SUGP2: variants seen among roughly 807,000 people sequenced by gnomAD.
SUGP2 encodes SURP and G-patch domain containing 2.
A neutral mutation model predicts 90.5 loss-of-function variants in SUGP2; 24 were observed. The ratio of observed to expected loss-of-function variants is 0.27; its 90% CI spans 0.19 to 0.37. The LOEUF is 0.37. SUGP2 is among the 10% of genes least tolerant of loss of function. The pLI is 1.00. For missense variants in SUGP2, 1,233 were observed against 1,363.3 expected (o/e 0.90, Z 1.51); for synonymous variants, 473 against 513.4 (o/e 0.92, Z 1.06).
intron 8 of SUGP2, among the ~76,000 whole-genome samples, 184 bp downstream of exon 8, chr19:19,001,429 T>C (rs933579521): frequency 1.3e-5 from 2 of 152,240 alleles, no homozygotes; most frequent in African/African-American, 2.4e-5. Context: ...AGTCTATGCT[T>C]TGGACAAAGG....
chr19:19,006,388 C>T (rs940086286), intron 6 of SUGP2, among the ~76,000 whole-genome samples: 1 of 152,068 alleles, frequency 6.6e-6, no homozygotes, highest in Admixed American at 6.6e-5. Flanking sequence ...TGGATAGCGT[C>T]CAACACCTTG....
At position 18,991,504 on chromosome 19, in the gene SUGP2, AGGTGGGGGGCGGTCAGT is replaced by A. The variant is rs2057359511; in HGVS notation, c.*2220_*2236del. The A allele has an allele frequency of 6.6e-6, 1 of 152,268 alleles. No individual in the cohort carries two copies. The highest frequency in any genetic ancestry group is 1.9e-4 in the East Asian group (1 of 5,190). The allele number at this position is 152,268 out of a possible 1,614,324, so 9.4% of individuals were successfully genotyped here. ...AGCTCAAACTTGGAGGAGCGGCAGG[AGGTGGGGGGCGGTCAGT>A]GGCCACACGCCACAGATTCCTAAAG... On this transcript the variant is annotated 3_prime_UTR_variant, in exon 11 of 11. Transcript: ENST00000452918.
Position 18,993,652 on chromosome 19 carries a change from G to GC in SUGP2, c.*88dup, listed in dbSNP as rs1305702479. On this transcript the variant is annotated 3_prime_UTR_variant, in exon 11 of 11. Coordinates refer to ENST00000452918, the MANE Select transcript of SUGP2 (RefSeq NM_001017392.5). The stretch of plus-strand genomic sequence containing the variant: ...CATGTACACACCAAACCGTACTTGG[G>GC]CACTGGCTCCAGGCCGATCCAGGGC... 1 of 152,648 alleles carries GC rather than the reference G, an allele frequency of 6.6e-6. No homozygotes were observed. Among genetic ancestry groups the GC allele is most frequent in the Non-Finnish European group, 1.5e-5 (1 of 68,060 alleles). The allele number at this position is 152,648 out of a possible 1,614,324, so 9.5% of individuals were successfully genotyped here.
At chr19:19,021,497 C>A (rs941735824) in intron 3 of SUGP2, among the ~76,000 whole-genome samples, 3 of 152,016 alleles carry the variant, frequency 2.0e-5, no homozygotes, top group African/African-American at 4.8e-5. Context: ...AATTTAGGGA[C>A]CCCTGCAAAT....
chr19:19,015,624 C>T (rs918024853), intron 4 of SUGP2, among the ~76,000 whole-genome samples: 1 of 152,144 alleles, frequency 6.6e-6, no homozygotes, highest in South Asian at 2.1e-4. Context: ...GTGCCTCGGT[C>T]TCCCAAGTAG....
At chr19:18,998,910 G>A (rs2057720660) in intron 8 of SUGP2, 1 of 152,372 alleles carries the variant, frequency 6.6e-6, no homozygotes, top group Non-Finnish European at 1.5e-5. Context: ...GAGAAAAGAG[G>A]TGACAGAACC....
intron 8 of SUGP2, among the ~76,000 whole-genome samples, chr19:18,997,282 G>A (rs1431376131): frequency 5.3e-5 from 8 of 151,952 alleles, no homozygotes; most frequent in Admixed American, 5.2e-4. Flanking sequence ...GAGCCTGGGG[G>A]AGCCAGGGGC....
In SUGP2 at chr19:19,005,042, C is replaced by T. The variant is rs7253244; in HGVS notation, c.2451-396G>A. ...CCTCCCAGGTATGAGAAGCATGGAGCGATGCCAGGAGGAGCTGCACAGTTA... is the reference window on the plus strand; with the variant it reads ...CCTCCCAGGTATGAGAAGCATGGAGTGATGCCAGGAGGAGCTGCACAGTTA... On this transcript the variant is annotated intron_variant, in intron 6 of 10. Coordinates refer to ENST00000452918, the MANE Select transcript of SUGP2 (RefSeq NM_001017392.5). Among the ~76,000 whole-genome samples, 3 of 152,098 alleles carry T rather than the reference C, an allele frequency of 2.0e-5. No individual in the cohort carries two copies. In the East Asian group the frequency reaches 5.8e-4, roughly 29 times the overall value.
At chr19:19,014,258 G>T (rs2058411145) in intron 4 of SUGP2, among the ~76,000 whole-genome samples, 1 of 152,146 alleles carries the variant, frequency 6.6e-6, no homozygotes. Context: ...TTCCCAAAGT[G>T]GTGGGATTAC....
intron 9 of SUGP2, chr19:18,994,706 C>A (rs2145223525): frequency 1.7e-6 from 1 of 590,738 alleles, no homozygotes; most frequent in Non-Finnish European, 2.9e-6. Context: ...CCCTGGTTAC[C>A]TCGGAATGCC....
chr19:18,998,756 G>C (rs1196786719), intron 8 of SUGP2, among the ~76,000 whole-genome samples: 1 of 152,156 alleles, frequency 6.6e-6, no homozygotes, highest in Non-Finnish European at 1.5e-5. Context: ...GGCAGTTAAG[G>C]AGGGGAGGTA....
intron 5 of SUGP2, 73 bp downstream of exon 5, chr19:19,009,782 A>G (rs55722325): frequency 9.2e-6 from 14 of 1,515,884 alleles, no homozygotes; most frequent in Admixed American, 4.4e-5. Flanking sequence ...GGCCCCCCCA[A>G]TTCTAAAGAG....
At position 18,995,125 on chromosome 19, in the gene SUGP2, C is replaced by A. The variant is rs1465044234; in HGVS notation, c.3128+19G>T. Reference sequence around the variant, plus strand: ...ACTGAGGCCCCACCCACTCCCACCCCAGGCTGCCTGCTGCGTACACGCTGA... The same window carrying A: ...ACTGAGGCCCCACCCACTCCCACCCAAGGCTGCCTGCTGCGTACACGCTGA... On this transcript the variant is annotated intron_variant, in intron 9 of 10. Coordinates refer to ENST00000452918, the MANE Select transcript of SUGP2 (RefSeq NM_001017392.5). 6.2e-7 allele frequency: 1 copy of A among 1,606,568 alleles called. No homozygotes were observed. The highest frequency in any genetic ancestry group is 8.5e-7 in the Non-Finnish European group (1 of 1,176,368).
chr19:19,010,827 T>C (rs2058283645), intron 4 of SUGP2, among the ~76,000 whole-genome samples: 1 of 151,956 alleles, frequency 6.6e-6, no homozygotes, highest in Non-Finnish European at 1.5e-5. Context: ...AAAGAGAAGG[T>C]TGAGCTACAT....
intron 5 of SUGP2, among the ~76,000 whole-genome samples, chr19:19,009,159 C>T (rs559706771): frequency 4.6e-4 from 70 of 152,182 alleles, no homozygotes; most frequent in South Asian, 1.0e-3. Flanking sequence ...GCAATCCACC[C>T]GCCTTGGCCT....
intron 6 of SUGP2, among the ~76,000 whole-genome samples, chr19:19,005,411 T>C (rs1323567689): frequency 6.6e-6 from 1 of 152,134 alleles, no homozygotes; most frequent in Non-Finnish European, 1.5e-5. Context: ...AAGATGGTTC[T>C]AAAGTTCATA....
chr19:19,032,724 T>G (rs920496648), intron 1 of SUGP2, among the ~76,000 whole-genome samples: 6 of 152,112 alleles, frequency 3.9e-5, no homozygotes, highest in African/African-American at 1.4e-4. Flanking sequence ...CAGCCCAGAT[T>G]TGAACCTGGC....
chr19:19,004,894 C>T (rs568034771), intron 6 of SUGP2, among the ~76,000 whole-genome samples: 2 of 152,242 alleles, frequency 1.3e-5, no homozygotes, highest in South Asian at 4.2e-4. Flanking sequence ...CAGAGGCGGA[C>T]GAACAAGGTA....
chr19:19,033,645 GGGC>G, upstream of SUGP2: 1 of 1,024,612 alleles, frequency 9.8e-7, no homozygotes, highest in Non-Finnish European at 1.2e-6. Context: ...CGCTTCTTCT[GGGC>G]GGACGCTCTG....
Sources: gnomAD v4.1 joint callset for allele counts (sites outside exome capture counted in the v4.1 genomes callset) on GRCh38, gnomAD v4.1.1 for gene constraint, MANE v1.5 for transcripts, NCBI Gene and HGNC (gene_info 2026-07-23, HGNC 2026-07-21) for gene names.